Variants in ADAMTS17 observed in about 807,000 individuals in gnomAD.
ADAMTS17 encodes the protein A disintegrin and metalloproteinase with thrombospondin motifs 17.
ADAMTS17 carries 113 observed loss-of-function variants against 141.5 expected under a neutral mutation model. The observed-to-expected ratio is 0.80, with a 90% CI of 0.69 to 0.93. The LOEUF (loss-of-function observed/expected upper bound fraction) is 0.93. ADAMTS17 is among the 40% of genes least tolerant of loss of function. ADAMTS17 has a pLI of 0.00. For missense variants in ADAMTS17, 1,659 were observed against 1,517.9 expected, an observed-to-expected ratio of 1.09 and a Z score of -1.54; for synonymous variants, 768 against 630.6, an observed-to-expected ratio of 1.22 and a Z score of -3.27.
At chr15:100,089,869 T>C (rs544200859) in intron 15 of ADAMTS17, among the ~76,000 whole-genome samples, 1 of 150,048 alleles carries the variant, frequency 6.7e-6, no homozygotes, top group South Asian at 2.1e-4. Flanking sequence ...CATTAGGAGA[T>C]ATACCTAATG....
intron 8 of ADAMTS17, among the ~76,000 whole-genome samples, chr15:100,176,622 G>C (rs1273450827): frequency 6.6e-6 from 1 of 152,156 alleles, no homozygotes. Flanking sequence ...CACAAAACTT[G>C]TTCTGATTAA....
chr15:100,068,413 C>T (rs1430192001), intron 15 of ADAMTS17, among the ~76,000 whole-genome samples: 1 of 152,198 alleles, frequency 6.6e-6, no homozygotes, highest in Non-Finnish European at 1.5e-5. Flanking sequence ...AGTGGTTCTC[C>T]CAGCACACAG....
rs183188919 is a variant in ADAMTS17, at chr15:100,043,291, G to A, written c.2591+5566C>T. Among the ~76,000 whole-genome samples, 19 of 152,272 alleles carry A rather than the reference G, an allele frequency of 1.2e-4. No homozygotes were observed. In the East Asian group the frequency reaches 3.3e-3, roughly 26 times the overall value. On this transcript the variant is annotated intron_variant, in intron 18 of 21. Coordinates refer to ENST00000268070, the MANE Select transcript of ADAMTS17 (RefSeq NM_139057.4). ...AATTTCATTTTCTTCTCTGCTCTAA[G>A]TAATTCCACTCATTCTTTAAGTCTG...
chr15:100,150,527 G>C (rs72755227), intron 10 of ADAMTS17, among the ~76,000 whole-genome samples: 13,003 of 152,170 alleles, frequency 0.085, 653 homozygotes, highest in South Asian at 0.14. Context: ...GACAGTGCAA[G>C]GACAAAGTCC....
intron 15 of ADAMTS17, 85 bp downstream of exon 15, chr15:100,096,271 A>C (rs905792571): frequency 1.3e-6 from 2 of 1,596,350 alleles, no homozygotes; most frequent in Non-Finnish European, 1.7e-6. Flanking sequence ...CTTAAATATG[A>C]AATGTAGGGA....
rs577529317 is a variant in ADAMTS17 at position 100,032,036 on chromosome 15, A to T, written c.2591+16821T>A. Reference sequence around the variant, plus strand: ...TATACGCGGCACTTGGTACAGGTAGATGCATTACTTACCCATAGAGGACAG... The same window carrying T: ...TATACGCGGCACTTGGTACAGGTAGTTGCATTACTTACCCATAGAGGACAG... On this transcript the variant is annotated intron_variant, in intron 18 of 21. Coordinates refer to ENST00000268070, the MANE Select transcript of ADAMTS17 (RefSeq NM_139057.4). Among the ~76,000 whole-genome samples, 3 of 152,306 alleles carry T rather than the reference A, an allele frequency of 2.0e-5. No individual in the cohort carries two copies. In the East Asian group the frequency reaches 5.8e-4, roughly 29 times the overall value.
intron 12 of ADAMTS17, among the ~76,000 whole-genome samples, chr15:100,117,973 T>C (rs571573175): frequency 2.6e-5 from 4 of 152,226 alleles, no homozygotes; most frequent in Non-Finnish European, 5.9e-5. Flanking sequence ...TTTCGTGTTG[T>C]GTATTTCTTT....
intron 15 of ADAMTS17, among the ~76,000 whole-genome samples, chr15:100,094,371 G>A (rs539592356): frequency 5.9e-5 from 9 of 152,360 alleles, no homozygotes; most frequent in Admixed American, 1.3e-4. Flanking sequence ...GGCCCAGGCC[G>A]GAGTGGATGG....
intron 7 of ADAMTS17, among the ~76,000 whole-genome samples, chr15:100,251,285 G>C (rs1596363331): frequency 1.3e-5 from 2 of 152,190 alleles, no homozygotes; most frequent in East Asian, 3.8e-4. Flanking sequence ...CCTGGGAGGG[G>C]ATATGAGGAC....
chr15:100,196,327 T>C (rs1163990309), intron 8 of ADAMTS17, among the ~76,000 whole-genome samples: 1 of 152,250 alleles, frequency 6.6e-6, no homozygotes, highest in Non-Finnish European at 1.5e-5. Context: ...AAATAAGCCC[T>C]AAATCTAGCT....
At chr15:100,328,571 T>C (rs1400096168) in intron 3 of ADAMTS17, among the ~76,000 whole-genome samples, 1 of 152,210 alleles carries the variant, frequency 6.6e-6, no homozygotes, top group African/African-American at 2.4e-5. Context: ...AATTTCTCCC[T>C]ACAGTCTTGC....
At chr15:100,059,696 C>G (rs1452796624) in intron 15 of ADAMTS17, among the ~76,000 whole-genome samples, 1 of 152,120 alleles carries the variant, frequency 6.6e-6, no homozygotes, top group African/African-American at 2.4e-5. Context: ...CATGTCAAAT[C>G]CAGAGAGACA....
rs368473404 is a variant in ADAMTS17, at chr15:99,983,139, TTAA to T, written c.2950-6920_2950-6918del. On this transcript the variant is annotated intron_variant, in intron 20 of 21. Coordinates refer to ENST00000268070, the MANE Select transcript of ADAMTS17 (RefSeq NM_139057.4). ...CATTGTGCAAGCGTTACTAGCTTCT[TTAA>T]TAATAACAGTAACGGCAGTCACCGT... 3.0e-4 allele frequency among the ~76,000 whole-genome samples: 45 copies of T among 152,278 alleles called. 2 individuals carry two copies. The South Asian group carries it at 8.1e-3, about 27-fold the overall frequency.
chr15:99,980,205 C>G (rs1253273541), intron 20 of ADAMTS17: 1 of 152,202 alleles, frequency 6.6e-6, no homozygotes, highest in East Asian at 1.9e-4. Context: ...CCTGTAATCC[C>G]AGCTACTTGG....
chr15:100,267,241 T>C (rs1326930052), intron 4 of ADAMTS17, among the ~76,000 whole-genome samples: 1 of 152,086 alleles, frequency 6.6e-6, no homozygotes, highest in Non-Finnish European at 1.5e-5. Flanking sequence ...ATTTAGCACT[T>C]GTGTTTTTGT....
At chr15:100,322,573 C>G (rs765115676) in intron 3 of ADAMTS17, among the ~76,000 whole-genome samples, 17 of 152,108 alleles carry the variant, frequency 1.1e-4, no homozygotes, top group Non-Finnish European at 2.2e-4. Context: ...AATGTGACCC[C>G]TTTTTAAGAG....
chr15:100,074,338 T>C (rs1000148896), intron 15 of ADAMTS17: 67 of 152,262 alleles, frequency 4.4e-4, no homozygotes, highest in African/African-American at 1.5e-3. Context: ...TACGGTTATA[T>C]AGAGTGTATA....
At chr15:100,293,552 A>G (rs1428874197) in intron 3 of ADAMTS17, among the ~76,000 whole-genome samples, 1 of 152,312 alleles carries the variant, frequency 6.6e-6, no homozygotes, top group African/African-American at 2.4e-5. Context: ...GAAGACTGGA[A>G]CTCTGGAGGT....
intron 14 of ADAMTS17, among the ~76,000 whole-genome samples, chr15:100,100,905 C>G (rs1179280147): frequency 2.0e-5 from 3 of 151,530 alleles, no homozygotes; most frequent in Non-Finnish European, 4.4e-5. Context: ...CACAGTGAAT[C>G]CAACCCCCTC....
Sources: gnomAD v4.1 joint callset for allele counts (sites outside exome capture counted in the v4.1 genomes callset) on GRCh38, gnomAD v4.1.1 for gene constraint, MANE v1.5 for transcripts, NCBI Gene and HGNC (gene_info 2026-07-23, HGNC 2026-07-21) for gene names.